FRMPD4: variants seen among roughly 807,000 people sequenced by gnomAD.
FRMPD4 encodes the protein FERM and PDZ domain-containing protein 4.
In FRMPD4, 22 loss-of-function variants were observed where a neutral mutation model predicts 94.1. The ratio of observed to expected loss-of-function variants is 0.23; its 90% CI spans 0.17 to 0.33. The LOEUF is 0.33. Among genes scored for constraint, FRMPD4 ranks in the 10% least tolerant of loss-of-function variants. The probability of loss-of-function intolerance (pLI) is 1.00; values close to 1 mark genes in which losing one functional copy is unlikely to be tolerated. For synonymous variants in FRMPD4, 631 were observed against 548.6 expected (o/e 1.15, Z -2.10); for missense variants, 1,111 against 1,339.9 (o/e 0.83, Z 2.67).
intron 1 of FRMPD4, among the ~76,000 whole-genome samples, chrX:12,414,580 A>G (rs903818010): frequency 8.9e-6 from 1 of 111,793 alleles, no homozygotes; most frequent in Non-Finnish European, 1.9e-5. Context: ...GACAGGACTA[A>G]GGAATTCTGG....
chrX:11,889,148 T>A lies in FRMPD4; in HGVS notation c.95+11130T>A, dbSNP rs5935179. On this transcript the variant is annotated intron_variant, in intron 3 of 18. Coordinates refer to the FRMPD4 transcript ENST00000640291. Reference sequence around the variant, plus strand: ...TTAATTGATATGTGTTCTCTAACTTTTTTGTAATATATGCTATAGCATTCC... The same window carrying A: ...TTAATTGATATGTGTTCTCTAACTTATTTGTAATATATGCTATAGCATTCC... Among the ~76,000 whole-genome samples, 855 of 112,493 alleles carry A rather than the reference T, an allele frequency of 7.6e-3. 3 individuals carry two copies. Among genetic ancestry groups the A allele is most frequent in the South Asian group, 0.019 (52 of 2,719 alleles).
chrX:12,272,743 T>C (rs1161769912), intron 1 of FRMPD4, among the ~76,000 whole-genome samples: 1 of 111,069 alleles, frequency 9.0e-6, no homozygotes, highest in Non-Finnish European at 1.9e-5. Flanking sequence ...TAAAAATAAA[T>C]ATATATAAAA....
chrX:12,718,733 C>T lies in FRMPD4; in HGVS notation c.3907C>T (p.Leu1303=), dbSNP rs772799158. ...GCACACAGCCATTAACACCGAACCC[C>T]TGTTTGGCACATTGAGAGATGGATG... The part of the protein sequence containing the change: ...ALHTAINTEP[L]FGTLRDGCHR... Residue 1303 remains leucine, a synonymous_variant, in exon 16 of 17, where the codon CTG becomes TTG. Transcript: ENST00000675598. 43 of 1,207,763 alleles carry T rather than the reference C, an allele frequency of 3.6e-5. No individual in the cohort carries two copies. The Admixed American group carries it at 9.4e-4, about 26-fold the overall frequency.
At chrX:12,017,361 A>G (rs1418565098) in intron 3 of FRMPD4, among the ~76,000 whole-genome samples, 1 of 112,829 alleles carries the variant, frequency 8.9e-6, no homozygotes, top group Admixed American at 9.4e-5. Flanking sequence ...GGCTGTGTTT[A>G]TAACATCCTC....
At chrX:12,300,506 T>TC (rs1250851088) in intron 1 of FRMPD4, among the ~76,000 whole-genome samples, 2 of 112,227 alleles carry the variant, frequency 1.8e-5, no homozygotes, top group African/African-American at 3.2e-5. Flanking sequence ...TTCAGATGTT[T>TC]CCACTTGGAA....
chrX:12,412,893 G>GA (rs1280830511), intron 1 of FRMPD4, among the ~76,000 whole-genome samples: 3 of 111,811 alleles, frequency 2.7e-5, no homozygotes, highest in Non-Finnish European at 5.7e-5. Flanking sequence ...CAAGGGTCCT[G>GA]GTAGCAGGAC....
chrX:12,312,406 C>T (rs1332853457), intron 1 of FRMPD4, among the ~76,000 whole-genome samples: 1 of 107,797 alleles, frequency 9.3e-6, no homozygotes, highest in Non-Finnish European at 1.9e-5. Context: ...GCGCCTGCCA[C>T]CACGCCCAGC....
chrX:12,255,019 C>T (rs935332938), intron 1 of FRMPD4, among the ~76,000 whole-genome samples: 1 of 111,428 alleles, frequency 9.0e-6, no homozygotes, highest in African/African-American at 3.3e-5. Flanking sequence ...TTTGCCCTTC[C>T]GCAATCCAGA....
rs761633298 is a variant in FRMPD4 at position 12,718,367 on chromosome X, C to T, written c.3541C>T (p.Pro1181Ser). The T allele has an allele frequency of 9.9e-6, 12 of 1,210,288 alleles. No homozygotes were observed. The highest frequency in any genetic ancestry group is 1.7e-5 in the African/African-American group (1 of 57,227). ...CACCTGCGACCATCCTTCCAAGCTT[C>T]CTGAGGCTGATGAGAGTGTGGCCCG... ...SSTCDHPSKL[P>S]EADESVARLC... Residue 1181 changes from proline to serine, a missense_variant, in exon 16 of 17, where the codon CCT becomes TCT. Transcript: ENST00000675598.
chrX:12,558,605 C>T (rs1167190847), intron 2 of FRMPD4, among the ~76,000 whole-genome samples: 1 of 112,041 alleles, frequency 8.9e-6, no homozygotes, highest in African/African-American at 3.2e-5. Context: ...TGACTCTTTT[C>T]AGAAGTCATT....
chrX:12,099,144 G>A (rs888721901), intron 3 of FRMPD4, among the ~76,000 whole-genome samples: 21 of 106,799 alleles, frequency 2.0e-4, no homozygotes, highest in East Asian at 9.2e-4. Context: ...TGGGTGCAGC[G>A]CACCAGCATG....
intron 3 of FRMPD4, among the ~76,000 whole-genome samples, chrX:12,063,393 C>A (rs749132343): frequency 5.4e-5 from 6 of 111,177 alleles, no homozygotes; most frequent in East Asian, 5.6e-4. Context: ...AACAAACAAA[C>A]AAAAAAATGT....
chrX:12,175,183 G>A (rs2056279049), intron 1 of FRMPD4, among the ~76,000 whole-genome samples: 1 of 112,026 alleles, frequency 8.9e-6, no homozygotes, highest in Admixed American at 9.4e-5. Flanking sequence ...AAAACAAGAT[G>A]GTGGTAGAAG....
At chrX:12,123,165 T>A (rs1376766660) in intron 3 of FRMPD4, among the ~76,000 whole-genome samples, 3 of 104,656 alleles carry the variant, frequency 2.9e-5, no homozygotes, top group Non-Finnish European at 5.9e-5. Context: ...TTAGATGGAA[T>A]CTCACTTGCT....
intron 1 of FRMPD4, among the ~76,000 whole-genome samples, chrX:12,479,393 T>TACATATATACACATATATAC (rs1569293515): frequency 9.8e-6 from 1 of 102,435 alleles, no homozygotes; most frequent in East Asian, 2.9e-4. Context: ...CATATATATA[T>TACATATATACACATATATAC]ACATATATAC....
At chrX:12,066,920 A>G (rs1392106916) in intron 3 of FRMPD4, among the ~76,000 whole-genome samples, 1 of 104,755 alleles carries the variant, frequency 9.5e-6, no homozygotes, top group African/African-American at 3.5e-5. Flanking sequence ...CCCAGGCTGG[A>G]GTGCAGTGGT....
intron 2 of FRMPD4, among the ~76,000 whole-genome samples, chrX:12,541,936 A>T (rs1454450678): frequency 8.9e-6 from 1 of 112,293 alleles, no homozygotes; most frequent in Non-Finnish European, 1.9e-5. Context: ...CTGGTTCAAC[A>T]TATGCAAATC....
intron 4 of FRMPD4, among the ~76,000 whole-genome samples, chrX:12,620,060 C>G (rs1224909581): frequency 8.9e-6 from 1 of 112,335 alleles, no homozygotes; most frequent in Non-Finnish European, 1.9e-5. Flanking sequence ...TCTCTGTGCC[C>G]TAGAGGCAGA....
intron 2 of FRMPD4, among the ~76,000 whole-genome samples, chrX:12,523,107 C>T: frequency 8.9e-6 from 1 of 112,110 alleles, no homozygotes; most frequent in Non-Finnish European, 1.9e-5. Context: ...AAATTTAGGA[C>T]TGCCAAATGT....
Sources: allele counts gnomAD v4.1 joint callset (sites outside exome capture counted in the v4.1 genomes callset), GRCh38; gene constraint gnomAD v4.1.1; transcripts MANE v1.5; gene names NCBI Gene and HGNC (gene_info 2026-07-23, HGNC 2026-07-21).